Variants in SNED1 observed in about 807,000 individuals in gnomAD.
The protein encoded by SNED1 is sushi, nidogen and EGF-like domain-containing protein 1.
SNED1 carries 81 observed loss-of-function variants against 166.7 expected under a neutral mutation model. The observed-to-expected ratio is 0.49, with a 90% CI of 0.41 to 0.58. The LOEUF is 0.58. Ranked by LOEUF, SNED1 falls within the 20% of genes least tolerant of loss-of-function variation. The pLI is 0.00. For missense variants in SNED1, 1,604 were observed against 2,000.2 expected, an observed-to-expected ratio of 0.80 and a Z score of 3.78; for synonymous variants, 762 against 822.0, an observed-to-expected ratio of 0.93 and a Z score of 1.25.
chr2:241,089,616 G>C (rs562899062), intron 31 of SNED1, among the ~76,000 whole-genome samples: 1 of 152,284 alleles, frequency 6.6e-6, no homozygotes, highest in Non-Finnish European at 1.5e-5. Context: ...TTCACTTCCT[G>C]TTGACTCGAG....
intron 21 of SNED1, among the ~76,000 whole-genome samples, chr2:241,067,495 A>G (rs1351307099): frequency 6.6e-6 from 1 of 152,154 alleles, no homozygotes; most frequent in Non-Finnish European, 1.5e-5. Context: ...CTAAATGGAG[A>G]CTAAGACCCC....
At chr2:241,072,137 CAAGAG>C in intron 26 of SNED1, 1 of 691,422 alleles carries the variant, frequency 1.4e-6, no homozygotes, top group Non-Finnish European at 2.6e-6. Context: ...GTAGGGCACG[CAAGAG>C]AAGATAAACA....
At chr2:241,036,102 G>T (rs1384244221) in intron 4 of SNED1, among the ~76,000 whole-genome samples, 1 of 129,160 alleles carries the variant, frequency 7.7e-6, no homozygotes, top group Non-Finnish European at 1.7e-5. Context: ...CGGGGTGGGG[G>T]TTGGGGAGTA....
chr2:241,033,635 G>GC, intron 2 of SNED1, 100 bp from the exon 3 acceptor site: 2 of 1,337,708 alleles, frequency 1.5e-6, no homozygotes, highest in Middle Eastern at 1.9e-4. Flanking sequence ...CAAGCCAGGG[G>GC]CCCAGTGGAC....
At chr2:241,022,601 C>T (rs557043535) in intron 1 of SNED1, among the ~76,000 whole-genome samples, 1 of 152,226 alleles carries the variant, frequency 6.6e-6, no homozygotes, top group South Asian at 2.1e-4. Flanking sequence ...TATAGAGGAA[C>T]CTCACTCTCC....
intron 3 of SNED1, 62 bp from the exon 4 acceptor site, chr2:241,034,506 A>T: frequency 7.0e-7 from 1 of 1,429,418 alleles, no homozygotes. Context: ...GGGCAGGGTA[A>T]CCCCCACCTC....
Position 241,090,279 on chromosome 2 carries a change from CAG to C in SNED1, c.*2-1358_*2-1357del, listed in dbSNP as rs570391669. On this transcript the variant is annotated intron_variant, in intron 31 of 31. Coordinates refer to ENST00000310397, the MANE Select transcript of SNED1 (RefSeq NM_001080437.3). ...ACACACACATTGGCTTATGCCTACA[CAG>C]GGGCAGGATCATCCATGTCACCTTC... 288 of 1,543,496 alleles carry C rather than the reference CAG, an allele frequency of 1.9e-4. No homozygotes were observed. The African/African-American group carries it at 3.5e-3, about 19-fold the overall frequency.
intron 17 of SNED1, chr2:241,063,312 G>C (rs550024286): frequency 3.8e-6 from 2 of 521,122 alleles, no homozygotes; most frequent in East Asian, 6.9e-5. Context: ...CCAGGGAGCC[G>C]TGCCCAGTCG....
chr2:241,026,984 A>C (rs1417630825), intron 1 of SNED1, among the ~76,000 whole-genome samples: 2 of 152,106 alleles, frequency 1.3e-5, no homozygotes, highest in Non-Finnish European at 2.9e-5. Flanking sequence ...TACCTCATAT[A>C]GGTGGAATCA....
chr2:241,035,184 C>T (rs2061309029), intron 4 of SNED1, among the ~76,000 whole-genome samples: 1 of 152,108 alleles, frequency 6.6e-6, no homozygotes, highest in South Asian at 2.1e-4. Context: ...GGTCTCTGAC[C>T]CTCAGGGCCA....
intron 1 of SNED1, among the ~76,000 whole-genome samples, chr2:241,004,906 A>G (rs1387428193): frequency 6.6e-6 from 1 of 152,022 alleles, no homozygotes; most frequent in Non-Finnish European, 1.5e-5. Context: ...TATTTTTAGT[A>G]GAGACGGGGT....
intron 30 of SNED1, 181 bp downstream of exon 30, chr2:241,087,656 T>C (rs2063653794): frequency 1.1e-5 from 16 of 1,406,362 alleles, no homozygotes; most frequent in Non-Finnish European, 1.5e-5. Context: ...TATATGTGCA[T>C]GTGAGCATAC....
intron 1 of SNED1, among the ~76,000 whole-genome samples, chr2:241,009,187 G>A (rs542184494): frequency 6.6e-6 from 1 of 152,352 alleles, no homozygotes; most frequent in Non-Finnish European, 1.5e-5. Context: ...TGGCCCAGTG[G>A]CCACTGCAGA....
intron 31 of SNED1, chr2:241,089,455 A>C: frequency 3.2e-6 from 5 of 1,540,054 alleles, no homozygotes; most frequent in Non-Finnish European, 4.4e-6. Context: ...ACACACACCA[A>C]AGGAAGAGTG....
rs1437260805 is a variant in SNED1 at position 241,011,117 on chromosome 2, TCCTGGGGGTGGCAGGTCTCCTGGTTC to T, written c.213+12068_213+12093del. Among the ~76,000 whole-genome samples the T allele has an allele frequency of 2.2e-5, 3 of 138,456 alleles. No homozygotes were observed. In the Admixed American group the frequency reaches 2.3e-4, roughly 11 times the overall value. 90.8% of individuals were successfully genotyped at this position (138,456 alleles called of 152,430 possible). On this transcript the variant is annotated intron_variant, in intron 1 of 31. Coordinates refer to ENST00000310397, the MANE Select transcript of SNED1 (RefSeq NM_001080437.3). ...CTGGGGGTGGCAGGTCTCCTGGGTCTCCTGGGGGTGGCAGGTCTCCTGGTTCTCCTGGGTCTCCTGGGGGTGGCAGG... is the reference window on the plus strand; with the variant it reads ...CTGGGGGTGGCAGGTCTCCTGGGTCTTCCTGGGTCTCCTGGGGGTGGCAGG...
At chr2:241,089,510 T>C (rs2063771115) in intron 31 of SNED1, 11 of 1,391,214 alleles carry the variant, frequency 7.9e-6, no homozygotes, top group Non-Finnish European at 9.7e-6. Flanking sequence ...GCTCCGCACA[T>C]GGCAGGAACT....
chr2:241,065,589 C>T lies in SNED1; in HGVS notation c.3004C>T (p.Arg1002Cys), dbSNP rs1403394273. 9 of 1,611,274 alleles carry T rather than the reference C, an allele frequency of 5.6e-6. No homozygotes were observed. Among genetic ancestry groups the T allele is most frequent in the Non-Finnish European group, 5.1e-6 (6 of 1,179,364 alleles). The part of the protein sequence containing the change: ...DISRPAVLLA[R>C]TRPRPVEGFE... Reference sequence around the variant, plus strand: ...CAGCAGGCCTGCCGTGCTGCTGGCCCGCACGCGTGAGTGTCCCCGAGCCTG... The same window carrying T: ...CAGCAGGCCTGCCGTGCTGCTGGCCTGCACGCGTGAGTGTCCCCGAGCCTG... Residue 1002 changes from arginine to cysteine, a missense_variant, in exon 21 of 32, where the codon CGC (arginine) becomes TGC (cysteine). Physicochemically the swap from Arg to Cys is radical, Grantham distance 180. Coordinates refer to ENST00000310397, the MANE Select transcript of SNED1 (RefSeq NM_001080437.3).
intron 11 of SNED1, 57 bp from the exon 12 acceptor site, chr2:241,049,760 G>C (rs2061771934): frequency 7.2e-7 from 1 of 1,392,912 alleles, no homozygotes; most frequent in South Asian, 1.2e-5. Flanking sequence ...CCAGCCTCTT[G>C]CCGCCCGCAC....
chr2:241,077,238 G>A (rs369565047), intron 27 of SNED1, among the ~76,000 whole-genome samples: 1 of 152,156 alleles, frequency 6.6e-6, no homozygotes, highest in Non-Finnish European at 1.5e-5. Context: ...TGAGGCCGGA[G>A]CCCTCGTACC....
Sources: allele counts gnomAD v4.1 joint callset (sites outside exome capture counted in the v4.1 genomes callset), GRCh38; gene constraint gnomAD v4.1.1; transcripts MANE v1.5; gene names NCBI Gene and HGNC (gene_info 2026-07-23, HGNC 2026-07-21).